The following HMBOX1 variants were observed in gnomAD, a reference collection of about 807,000 sequenced individuals.
HMBOX1 encodes the protein homeobox containing 1.
Under a neutral mutation model 54.5 loss-of-function variants are expected in HMBOX1, and 14 were observed. The ratio of observed to expected loss-of-function variants is 0.26; its 90% CI spans 0.17 to 0.40. HMBOX1 has a LOEUF of 0.40. Ranked by LOEUF, HMBOX1 falls within the 10% of genes least tolerant of loss-of-function variation. HMBOX1 has a pLI of 1.00. For missense variants in HMBOX1, 332 were observed against 514.4 expected (o/e 0.65, Z 3.43); for synonymous variants, 160 against 181.0 (o/e 0.88, Z 0.93).
intron 1 of HMBOX1, among the ~76,000 whole-genome samples, chr8:28,941,781 TACTTCTC>T (rs892845398): frequency 2.6e-5 from 4 of 152,238 alleles, no homozygotes; most frequent in African/African-American, 7.2e-5. Context: ...TCTGTTCTTT[TACTTCTC>T]TACATACTAC....
At chr8:28,976,125 A>G (rs980460505) in intron 3 of HMBOX1, among the ~76,000 whole-genome samples, 1 of 152,230 alleles carries the variant, frequency 6.6e-6, no homozygotes, top group Non-Finnish European at 1.5e-5. Flanking sequence ...GCTTGCCTAT[A>G]GAACTCTTTT....
At chr8:29,030,078 T>C (rs1802691484) in intron 6 of HMBOX1, among the ~76,000 whole-genome samples, 1 of 152,038 alleles carries the variant, frequency 6.6e-6, no homozygotes, top group Admixed American at 6.6e-5. Flanking sequence ...AAGCACACCC[T>C]CTACCCTCCA....
At position 28,970,161 on chromosome 8, in the gene HMBOX1, G is replaced by A; in HGVS notation, c.142G>A (p.Glu48Lys). 6.2e-7 allele frequency: 1 copy of A among 1,614,142 alleles called. No individual in the cohort carries two copies. Among genetic ancestry groups the A allele is most frequent in the East Asian group, 2.2e-5 (1 of 44,880 alleles). ...MTKHEILHAL[E>K]TLDRLDQEHS... is the part of the protein sequence containing the mutation. ...TAAACATGAAATTCTCCATGCCTTG[G>A]AAACTTTGGACCGTCTTGATCAAGA... The change falls in exon 3 of 10, where the codon GAA (glutamate) becomes AAA (lysine). Residue 48 changes from glutamate (E) to lysine (K), a missense_variant. Physicochemically the swap from Glu to Lys is moderately conservative, Grantham distance 56 (BLOSUM62 1). Coordinates refer to ENST00000287701, the MANE Select transcript of HMBOX1 (RefSeq NM_001135726.3). The surrounding 1 kb of genome is among the most constrained non-coding windows in gnomAD (Gnocchi z 4.3).
At chr8:28,986,416 T>C (rs1830169661) in intron 4 of HMBOX1, among the ~76,000 whole-genome samples, 1 of 152,226 alleles carries the variant, frequency 6.6e-6, no homozygotes, top group African/African-American at 2.4e-5. Context: ...GCTGGTAGAA[T>C]ATGTCACAGA....
At chr8:28,938,530 C>T (rs1017947169) in intron 1 of HMBOX1, among the ~76,000 whole-genome samples, 1 of 151,890 alleles carries the variant, frequency 6.6e-6, no homozygotes, top group Non-Finnish European at 1.5e-5. Flanking sequence ...CACTGCAGTC[C>T]CAAACTCCTG....
intron 1 of HMBOX1, among the ~76,000 whole-genome samples, chr8:28,897,687 C>CA (rs781006741): frequency 1.3e-5 from 2 of 151,802 alleles, no homozygotes; most frequent in African/African-American, 2.4e-5. Flanking sequence ...AACAAACAAA[C>CA]AAAAAAAGAT....
At chr8:29,016,795 CT>C (rs1835089331) in intron 5 of HMBOX1, among the ~76,000 whole-genome samples, 1 of 152,238 alleles carries the variant, frequency 6.6e-6, no homozygotes, top group Non-Finnish European at 1.5e-5. Flanking sequence ...CACACGGCAG[CT>C]AGTTTTCCCT....
chr8:29,009,061 T>C lies in HMBOX1; in HGVS notation c.587-11T>C. ...CAGTGCCCCCCAAAACCTATTTCTCTTTCTACATAGGTATCAGTCAGAGCC... is the reference window on the plus strand; with the variant it reads ...CAGTGCCCCCCAAAACCTATTTCTCCTTCTACATAGGTATCAGTCAGAGCC... On this transcript the variant is annotated splice_polypyrimidine_tract_variant and intron_variant, in intron 4 of 9. Coordinates refer to ENST00000287701, the MANE Select transcript of HMBOX1 (RefSeq NM_001135726.3). The C allele has an allele frequency of 6.3e-7, 1 of 1,597,656 alleles. No homozygotes were observed. The highest frequency in any genetic ancestry group is 8.6e-7 in the Non-Finnish European group (1 of 1,166,734).
At chr8:28,924,323 A>G (rs1340178997) in intron 1 of HMBOX1, among the ~76,000 whole-genome samples, 3 of 151,616 alleles carry the variant, frequency 2.0e-5, no homozygotes, top group Non-Finnish European at 4.4e-5. Context: ...GTTAGCCAGG[A>G]TGGTCTCGAT....
intron 6 of HMBOX1, among the ~76,000 whole-genome samples, chr8:29,029,134 T>G (rs1054731928): frequency 1.3e-5 from 2 of 152,246 alleles, no homozygotes; most frequent in Non-Finnish European, 2.9e-5. Flanking sequence ...CCTGTTACTT[T>G]GCAAAATGCA....
At chr8:28,982,097 G>A (rs1829433012) in intron 4 of HMBOX1, among the ~76,000 whole-genome samples, 1 of 152,154 alleles carries the variant, frequency 6.6e-6, no homozygotes, top group Non-Finnish European at 1.5e-5. Context: ...GCCAGGCGTG[G>A]TGGCGGGCGC....
intron 1 of HMBOX1, among the ~76,000 whole-genome samples, chr8:28,957,244 TC>T (rs1479060284): frequency 6.6e-6 from 1 of 152,096 alleles, no homozygotes; most frequent in Non-Finnish European, 1.5e-5. Flanking sequence ...AAGAACAAAA[TC>T]ATGTCCTTTG....
At chr8:29,013,754 A>G (rs1834556867) in intron 5 of HMBOX1, among the ~76,000 whole-genome samples, 1 of 152,256 alleles carries the variant, frequency 6.6e-6, no homozygotes, top group Admixed American at 6.5e-5. Context: ...TGCTAAATTC[A>G]GGATGGTTGA....
chr8:29,022,996 T>C (rs557290081), intron 6 of HMBOX1, among the ~76,000 whole-genome samples: 2 of 152,308 alleles, frequency 1.3e-5, no homozygotes, highest in Admixed American at 1.3e-4. Flanking sequence ...TTTCCTATAC[T>C]TCCCAAGTGG....
intron 1 of HMBOX1, 47 bp downstream of exon 1, chr8:28,890,725 C>T (rs1167660351): frequency 2.6e-5 from 4 of 152,694 alleles, no homozygotes; most frequent in Admixed American, 6.5e-5. Context: ...TCTCTTTCCT[C>T]ACTTCTTTCT....
chr8:28,900,959 T>G (rs550125593), intron 1 of HMBOX1, among the ~76,000 whole-genome samples: 23 of 152,312 alleles, frequency 1.5e-4, no homozygotes, highest in African/African-American at 5.5e-4. Context: ...AGCCATATTG[T>G]CTAGGTGCAA....
intron 2 of HMBOX1, among the ~76,000 whole-genome samples, chr8:28,965,635 A>G (rs897454023): frequency 1.3e-5 from 2 of 152,216 alleles, no homozygotes; most frequent in African/African-American, 2.4e-5. Context: ...TGAGACCACA[A>G]GGAAGGCCCC....
chr8:28,893,798 A>T (rs1256076532), intron 1 of HMBOX1, among the ~76,000 whole-genome samples: 1 of 152,210 alleles, frequency 6.6e-6, no homozygotes, highest in Non-Finnish European at 1.5e-5. Flanking sequence ...GGGAATATTT[A>T]GGCTTAATTT....
At chr8:28,919,558 C>T (rs1388895392) in intron 1 of HMBOX1, among the ~76,000 whole-genome samples, 5 of 152,116 alleles carry the variant, frequency 3.3e-5, no homozygotes, top group Non-Finnish European at 7.4e-5. Context: ...ATAAACAATA[C>T]AGTGGATTGT....
Sources: gnomAD v4.1 joint callset for allele counts (sites outside exome capture counted in the v4.1 genomes callset) on GRCh38, gnomAD v4.1.1 for gene constraint, Gnocchi (gnomAD v3.1) non-coding constraint, MANE v1.5 for transcripts, NCBI Gene and HGNC (gene_info 2026-07-23, HGNC 2026-07-21) for gene names.